The following TTC28 variants were observed in gnomAD, a reference collection of about 807,000 sequenced individuals.
The protein encoded by TTC28 is tetratricopeptide repeat domain 28, also known as tetratricopeptide repeat protein 28.
In TTC28, 61 loss-of-function variants were observed where a neutral mutation model predicts 198.0. The observed-to-expected ratio is 0.31, with a 90% CI of 0.25 to 0.38. The LOEUF (loss-of-function observed/expected upper bound fraction) is 0.38, where lower values mean the gene tolerates loss of function less well. Among genes scored for constraint, TTC28 ranks in the 10% least tolerant of loss-of-function variants. The probability of loss-of-function intolerance (pLI) is 1.00; values close to 1 mark genes in which losing one functional copy is unlikely to be tolerated. For missense variants in TTC28, 2,678 were observed against 3,164.0 expected (o/e 0.85, Z 3.69); for synonymous variants, 1,171 against 1,297.8 (o/e 0.90, Z 2.10).
intron 1 of TTC28, among the ~76,000 whole-genome samples, chr22:28,661,379 C>T (rs1055948004): frequency 2.6e-5 from 4 of 152,138 alleles, no homozygotes; most frequent in African/African-American, 9.7e-5. Flanking sequence ...ATATCAGGTA[C>T]TACATTAAGT....
At chr22:28,331,912 G>T (rs1312281028) in intron 2 of TTC28, among the ~76,000 whole-genome samples, 1 of 152,084 alleles carries the variant, frequency 6.6e-6, no homozygotes, top group African/African-American at 2.4e-5. Context: ...TATCAATAAA[G>T]TGGATTTATC....
At chr22:28,291,967 T>G in intron 5 of TTC28, among the ~76,000 whole-genome samples, 1 of 151,972 alleles carries the variant, frequency 6.6e-6, no homozygotes, top group Non-Finnish European at 1.5e-5. Context: ...ATATAAACAA[T>G]TATAATTACA....
chr22:28,434,128 G>A (rs1335740626), intron 2 of TTC28, among the ~76,000 whole-genome samples: 1 of 151,704 alleles, frequency 6.6e-6, no homozygotes, highest in African/African-American at 2.4e-5. Flanking sequence ...TCAGCAACAT[G>A]GAAAGAAAAA....
intron 1 of TTC28, among the ~76,000 whole-genome samples, chr22:28,672,082 A>G (rs573861155): frequency 1.3e-5 from 2 of 152,134 alleles, no homozygotes; most frequent in African/African-American, 4.8e-5. Context: ...GCTGGAGTGC[A>G]GTGGTGTGAT....
chr22:28,588,074 A>G (rs564235384), intron 2 of TTC28, among the ~76,000 whole-genome samples: 1 of 151,802 alleles, frequency 6.6e-6, no homozygotes, highest in East Asian at 2.0e-4. Context: ...CCCGGGAGGC[A>G]GAGCTGGAAG....
At chr22:28,013,742 C>T (rs959981190) in intron 14 of TTC28, among the ~76,000 whole-genome samples, 5 of 152,176 alleles carry the variant, frequency 3.3e-5, no homozygotes, top group East Asian at 1.9e-4. Context: ...GGCACAGCCA[C>T]GGCCACATCC....
chr22:28,590,744 C>T (rs1053282631), intron 2 of TTC28, among the ~76,000 whole-genome samples: 2 of 151,556 alleles, frequency 1.3e-5, no homozygotes, highest in East Asian at 1.9e-4. Context: ...GACAGTGGCT[C>T]GAGCCTATAA....
intron 2 of TTC28, among the ~76,000 whole-genome samples, chr22:28,428,125 CAAA>C (rs374249842): frequency 1.0e-5 from 1 of 99,896 alleles, no homozygotes; most frequent in Non-Finnish European, 2.2e-5. Flanking sequence ...TACCGTAAGA[CAAA>C]AAAAAAAAAA....
chr22:28,244,044 A>G (rs967057089), intron 5 of TTC28, among the ~76,000 whole-genome samples: 3 of 152,222 alleles, frequency 2.0e-5, no homozygotes, highest in Admixed American at 2.0e-4. Flanking sequence ...CTAAGATGTC[A>G]CTGATTATTA....
chr22:28,197,869 C>A (rs1342699128), intron 5 of TTC28, among the ~76,000 whole-genome samples: 1 of 151,860 alleles, frequency 6.6e-6, no homozygotes, highest in Non-Finnish European at 1.5e-5. Context: ...AATTCACTAA[C>A]AGAATATTTA....
intron 6 of TTC28, among the ~76,000 whole-genome samples, chr22:28,160,980 T>C (rs1921104803): frequency 6.6e-6 from 1 of 152,172 alleles, no homozygotes; most frequent in Non-Finnish European, 1.5e-5. Flanking sequence ...GCATGCCAAC[T>C]ACTGATACTG....
At chr22:28,359,786 G>A (rs2046131020) in intron 2 of TTC28, among the ~76,000 whole-genome samples, 2 of 152,138 alleles carry the variant, frequency 1.3e-5, no homozygotes, top group Admixed American at 1.3e-4. Flanking sequence ...CTGAGACACA[G>A]GAAAGATGTC....
At chr22:28,150,253 C>A (rs914959177) in intron 6 of TTC28, among the ~76,000 whole-genome samples, 3 of 152,170 alleles carry the variant, frequency 2.0e-5, no homozygotes, top group African/African-American at 7.2e-5. Context: ...GCCTATGAAA[C>A]ATACTTCTTT....
At chr22:28,353,329 C>G (rs2046027669) in intron 2 of TTC28, among the ~76,000 whole-genome samples, 1 of 151,958 alleles carries the variant, frequency 6.6e-6, no homozygotes, top group African/African-American at 2.4e-5. Flanking sequence ...AAAAAGTAGA[C>G]AGAACAAAAA....
intron 2 of TTC28, among the ~76,000 whole-genome samples, chr22:28,478,698 A>G (rs1263281672): frequency 2.0e-5 from 3 of 152,182 alleles, no homozygotes; most frequent in Admixed American, 1.3e-4. Flanking sequence ...TGATGAGCAT[A>G]TATGTTTGAA....
At chr22:28,289,068 G>A (rs2044739506) in intron 5 of TTC28, among the ~76,000 whole-genome samples, 1 of 152,158 alleles carries the variant, frequency 6.6e-6, no homozygotes, top group Non-Finnish European at 1.5e-5. Context: ...TACTGCAACA[G>A]TCTAGGTAAA....
At chr22:28,612,035 T>C (rs538817657) in intron 2 of TTC28, among the ~76,000 whole-genome samples, 5 of 151,980 alleles carry the variant, frequency 3.3e-5, no homozygotes, top group Middle Eastern at 3.4e-3. Flanking sequence ...GATTGACAAA[T>C]GGGATAAAGA....
chr22:28,253,827 G>A (rs537788718), intron 5 of TTC28, among the ~76,000 whole-genome samples: 4 of 152,214 alleles, frequency 2.6e-5, no homozygotes, highest in East Asian at 3.9e-4. Context: ...TTATGGGGCC[G>A]GGCACAGTGG....
At chr22:28,168,409 T>C (rs1379865175) in intron 5 of TTC28, among the ~76,000 whole-genome samples, 3 of 152,214 alleles carry the variant, frequency 2.0e-5, no homozygotes, top group African/African-American at 4.8e-5. Context: ...TCACGCTACC[T>C]GACTTCAAAC....
Sources: gnomAD v4.1 joint callset for allele counts (sites outside exome capture counted in the v4.1 genomes callset) on GRCh38, gnomAD v4.1.1 for gene constraint, MANE v1.5 for transcripts, NCBI Gene and HGNC (gene_info 2026-07-23, HGNC 2026-07-21) for gene names.